The following NBEAL1 variants were observed in gnomAD, a reference collection of about 807,000 sequenced individuals.
The protein encoded by NBEAL1 is neurobeachin-like protein 1.
A neutral mutation model predicts 351.3 loss-of-function variants in NBEAL1; 273 were observed. The ratio of observed to expected loss-of-function variants is 0.78; its 90% CI spans 0.70 to 0.86. The LOEUF (loss-of-function observed/expected upper bound fraction) is 0.86, where lower values mean the gene tolerates loss of function less well. NBEAL1 is among the 40% of genes least tolerant of loss of function. The pLI, the probability that NBEAL1 is intolerant of heterozygous loss-of-function variation, is 0.00. For synonymous variants in NBEAL1, 1,050 were observed against 1,086.4 expected (o/e 0.97, Z 0.66); for missense variants, 2,961 against 3,201.3 (o/e 0.92, Z 1.81).
At chr2:203,180,298 C>T (rs2064666293) in intron 42 of NBEAL1, 84 bp from the exon 43 acceptor site, 1 of 1,273,746 alleles carries the variant, frequency 7.9e-7, no homozygotes, top group Non-Finnish European at 1.1e-6. Context: ...CATTAGGAAC[C>T]CTGAAGGGAG....
intron 2 of NBEAL1, among the ~76,000 whole-genome samples, chr2:203,025,737 A>G (rs1304999798): frequency 1.3e-5 from 2 of 152,188 alleles, no homozygotes; most frequent in African/African-American, 4.8e-5. Context: ...CTCAGAGGAC[A>G]CTTGGTATCT....
At chr2:203,145,267 T>C in intron 33 of NBEAL1, 107 bp downstream of exon 33, 1 of 964,456 alleles carries the variant, frequency 1.0e-6, no homozygotes, top group Non-Finnish European at 1.5e-6. Flanking sequence ...AGTATTTCTT[T>C]TATTTGTCTA....
At chr2:203,126,798 A>G (rs1046035939) in intron 22 of NBEAL1, 26 bp from the exon 23 acceptor site, 2 of 1,539,982 alleles carry the variant, frequency 1.3e-6, no homozygotes, top group Non-Finnish European at 1.8e-6. Flanking sequence ...TAGCTGAATT[A>G]CTTACCATTG....
intron 3 of NBEAL1, among the ~76,000 whole-genome samples, chr2:203,046,604 A>C (rs927661247): frequency 6.6e-6 from 1 of 152,110 alleles, no homozygotes; most frequent in African/African-American, 2.4e-5. Context: ...GTGTCTGGTG[A>C]GGGCCTGTCT....
At chr2:203,058,260 A>G (rs900304074) in intron 6 of NBEAL1, among the ~76,000 whole-genome samples, 1 of 152,148 alleles carries the variant, frequency 6.6e-6, no homozygotes, top group Non-Finnish European at 1.5e-5. Flanking sequence ...TTGAATTCCT[A>G]GGCTCAAGTA....
At chr2:203,196,574 A>G (rs1056250463) in intron 47 of NBEAL1, among the ~76,000 whole-genome samples, 1 of 152,246 alleles carries the variant, frequency 6.6e-6, no homozygotes, top group African/African-American at 2.4e-5. Flanking sequence ...CACAACGTAA[A>G]GAGAAAAGAT....
At chr2:203,201,010 A>AG (rs2065382528) in intron 49 of NBEAL1, among the ~76,000 whole-genome samples, 1 of 152,220 alleles carries the variant, frequency 6.6e-6, no homozygotes, top group South Asian at 2.1e-4. Flanking sequence ...CTTTCTGCAG[A>AG]ATCTGGATTG....
In NBEAL1 at chr2:203,138,692, C is replaced by T. The variant is rs1490941589; in HGVS notation, c.4792C>T (p.Leu1598Phe). Residue 1598 changes from leucine to phenylalanine, a missense_variant, in exon 31 of 56, where the codon CTC becomes TTC. Leu to Phe is a conservative substitution (Grantham distance 22). Coordinates refer to ENST00000683969, the MANE Select transcript of NBEAL1 (RefSeq NM_001378026.1). ...CYSESPVWVKLSQIQIQLLLG... is the reference protein window; with the variant it reads ...CYSESPVWVKFSQIQIQLLLG... ...TTCTGAAAGTCCAGTATGGGTAAAACTCTCTCAAATTCAGATCCAGTTGCT... is the reference window on the plus strand; with the variant it reads ...TTCTGAAAGTCCAGTATGGGTAAAATTCTCTCAAATTCAGATCCAGTTGCT... 3 of 1,613,224 alleles carry T rather than the reference C, an allele frequency of 1.9e-6. No homozygotes were observed. The South Asian group carries it at 3.3e-5, about 18-fold the overall frequency.
chr2:203,044,428 T>C (rs2061194047), intron 3 of NBEAL1, among the ~76,000 whole-genome samples: 1 of 152,220 alleles, frequency 6.6e-6, no homozygotes, highest in African/African-American at 2.4e-5. Context: ...TTTGAGCCTT[T>C]AAATGTTTGG....
intron 43 of NBEAL1, chr2:203,181,217 T>A (rs1446787159): frequency 6.6e-6 from 1 of 151,486 alleles, no homozygotes; most frequent in Non-Finnish European, 1.5e-5. Flanking sequence ...CAGGTGGGAG[T>A]CACCATGCCC....
intron 3 of NBEAL1, among the ~76,000 whole-genome samples, chr2:203,042,847 A>G (rs1477829856): frequency 2.6e-5 from 4 of 152,058 alleles, no homozygotes; most frequent in African/African-American, 9.7e-5. Context: ...CGGACTCCCA[A>G]AGTGCTGGGA....
chr2:203,033,230 G>C (rs964602164), intron 2 of NBEAL1, among the ~76,000 whole-genome samples: 2 of 151,882 alleles, frequency 1.3e-5, no homozygotes, highest in Non-Finnish European at 2.9e-5. Flanking sequence ...TCGATCTCCT[G>C]ACCTCGTGAT....
intron 18 of NBEAL1, among the ~76,000 whole-genome samples, chr2:203,120,993 G>C (rs893154549): frequency 2.0e-5 from 3 of 152,136 alleles, no homozygotes; most frequent in African/African-American, 7.2e-5. Context: ...TTGGAATGGG[G>C]ATTAGATTAG....
intron 43 of NBEAL1, 104 bp from the exon 44 acceptor site, chr2:203,183,175 G>A (rs1001644839): frequency 5.3e-6 from 3 of 570,484 alleles, no homozygotes; most frequent in Non-Finnish European, 9.2e-6. Flanking sequence ...AATTTTAAAA[G>A]AAAAAATATG....
chr2:203,089,372 A>AT (rs1312237442), intron 10 of NBEAL1, among the ~76,000 whole-genome samples: 11 of 152,118 alleles, frequency 7.2e-5, no homozygotes, highest in Admixed American at 7.2e-4. Flanking sequence ...AAAAAAAAAA[A>AT]AGATCCCCAC....
chr2:203,014,956 G>GGCGGCGGCTGCCGC lies in NBEAL1; in HGVS notation c.-250_-237dup, dbSNP rs1166899962. On this transcript the variant is annotated 5_prime_UTR_variant, in exon 1 of 56. Transcript: ENST00000683969. ...GAGGGAAGCAGTTAGACGGCTGCCG[G>GGCGGCGGCTGCCGC]GCGGCGGCTGCCGCGCGGCACACAA... 1 of 152,244 alleles carries GGCGGCGGCTGCCGC rather than the reference G, an allele frequency of 6.6e-6. No individual in the cohort carries two copies. Among genetic ancestry groups the GGCGGCGGCTGCCGC allele is most frequent in the Non-Finnish European group, 1.5e-5 (1 of 68,086 alleles). 9.4% of individuals were successfully genotyped at this position (152,244 alleles called of 1,614,324 possible). A position where few individuals can be genotyped will look rare whatever the true frequency, so the allele number is the denominator to read the frequency against.
At chr2:203,112,203 A>G (rs2062589129) in intron 16 of NBEAL1, 105 bp downstream of exon 16, 2 of 1,228,952 alleles carry the variant, frequency 1.6e-6, no homozygotes, top group South Asian at 1.7e-5. Context: ...GTGGCCCCAG[A>G]TTTTAAAGTG....
chr2:203,064,111 T>C (rs867363220), intron 6 of NBEAL1, among the ~76,000 whole-genome samples: 28 of 152,124 alleles, frequency 1.8e-4, no homozygotes, highest in African/African-American at 6.5e-4. Context: ...TGGAGTACAG[T>C]ACCGTGATCT....
intron 51 of NBEAL1, among the ~76,000 whole-genome samples, chr2:203,207,852 G>GA (rs1265543084): frequency 7.2e-5 from 11 of 151,888 alleles, no homozygotes; most frequent in Non-Finnish European, 1.3e-4. Context: ...TAGTGGCCTG[G>GA]AAAAAAAGAT....
Sources: gnomAD v4.1 joint callset for allele counts (sites outside exome capture counted in the v4.1 genomes callset) on GRCh38, gnomAD v4.1.1 for gene constraint, MANE v1.5 for transcripts, NCBI Gene and HGNC (gene_info 2026-07-23, HGNC 2026-07-21) for gene names.